Variants in AP2B1 observed in about 807,000 individuals in gnomAD.
The protein encoded by AP2B1 is adaptor related protein complex 2 subunit beta 1, also known as AP-2 complex subunit beta.
A neutral mutation model predicts 102.0 loss-of-function variants in AP2B1; 23 were observed. The observed-to-expected ratio is 0.23, with a 90% confidence interval of 0.16 to 0.32. The LOEUF (loss-of-function observed/expected upper bound fraction) is 0.32, where lower values mean the gene tolerates loss of function less well. Ranked by LOEUF, AP2B1 falls within the 10% of genes least tolerant of loss-of-function variation. The pLI, the probability that AP2B1 is intolerant of heterozygous loss-of-function variation, is 1.00. For missense variants in AP2B1, 541 were observed against 1,157.4 expected, an observed-to-expected ratio of 0.47 and a Z score of 7.73; for synonymous variants, 381 against 421.2, an observed-to-expected ratio of 0.90 and a Z score of 1.17.
intron 18 of AP2B1, among the ~76,000 whole-genome samples, chr17:35,684,581 G>A (rs140896129): frequency 1.3e-5 from 2 of 152,252 alleles, no homozygotes; most frequent in South Asian, 4.2e-4. Context: ...GAGGGTAGAC[G>A]AGTGAGTCAC....
Position 35,624,353 on chromosome 17 carries a change from G to T in AP2B1, c.526-44G>T, listed in dbSNP as rs369289788. ...GCTGATGAAGTGTTTGTCTATAGCT[G>T]TGCTGTTCTTGGTGAATCAAGGTCA... On this transcript the variant is annotated intron_variant, in intron 5 of 21. Coordinates refer to ENST00000610402, the MANE Select transcript of AP2B1 (RefSeq NM_001030006.2). The T allele has an allele frequency of 7.9e-5, 124 of 1,576,168 alleles. No homozygotes were observed. In the African/African-American group the frequency reaches 1.6e-3, roughly 20 times the overall value.
At chr17:35,607,775 T>G in intron 4 of AP2B1, 1 of 10,640 alleles carries the variant, frequency 9.4e-5, no homozygotes, top group African/African-American at 4.0e-4. Context: ...ACAGCTCCTC[T>G]TTTTTTTTTT....
At chr17:35,616,177 T>C (rs1193227507) in intron 5 of AP2B1, among the ~76,000 whole-genome samples, 1 of 56,730 alleles carries the variant, frequency 1.8e-5, no homozygotes, top group Admixed American at 2.6e-4. Flanking sequence ...TTTTTTTTTT[T>C]TTTTGGAGAC....
intron 9 of AP2B1, among the ~76,000 whole-genome samples, chr17:35,633,285 G>A (rs1382617349): frequency 6.6e-6 from 1 of 151,800 alleles, no homozygotes; most frequent in African/African-American, 2.4e-5. Context: ...ACTTGAACCA[G>A]GGAGTGGGAG....
chr17:35,639,383 GT>G (rs2074703945), intron 10 of AP2B1, among the ~76,000 whole-genome samples: 1 of 152,094 alleles, frequency 6.6e-6, no homozygotes, highest in African/African-American at 2.4e-5. Context: ...TTTTATAAAG[GT>G]TTTAAGGTCT....
Position 35,725,020 on chromosome 17 carries a change from C to G in AP2B1, c.*1321C>G, listed in dbSNP as rs1170536704. The G allele has an allele frequency of 6.6e-6, 1 of 152,168 alleles. No homozygotes were observed. The highest frequency in any genetic ancestry group is 2.4e-5 in the African/African-American group (1 of 41,448). The allele number at this position is 152,168 out of a possible 1,614,324, so 9.4% of individuals were successfully genotyped here. On this transcript the variant is annotated 3_prime_UTR_variant, in exon 22 of 22. Transcript: ENST00000610402. ...AGATGAAGTGAGCTTAGAGATGTTG[C>G]AAATGCTCTTTATCCCTTCAGCTCT...
intron 17 of AP2B1, among the ~76,000 whole-genome samples, chr17:35,680,775 C>T (rs1192473054): frequency 6.7e-6 from 1 of 149,736 alleles, no homozygotes; most frequent in African/African-American, 2.5e-5. Flanking sequence ...TGGCTCACTG[C>T]AACTTCCGCC....
chr17:35,697,161 G>A (rs2076156666), intron 18 of AP2B1, among the ~76,000 whole-genome samples: 1 of 152,216 alleles, frequency 6.6e-6, no homozygotes, highest in South Asian at 2.1e-4. Flanking sequence ...CTGGTCCCAA[G>A]TTTAATCTGA....
intron 2 of AP2B1, among the ~76,000 whole-genome samples, chr17:35,597,289 A>T (rs12939818): frequency 6.6e-6 from 1 of 152,104 alleles, no homozygotes. Context: ...TTTTTCATGG[A>T]CTTAGTGTTT....
intron 3 of AP2B1, among the ~76,000 whole-genome samples, chr17:35,604,046 A>G (rs1412320275): frequency 1.3e-5 from 2 of 152,126 alleles, no homozygotes; most frequent in African/African-American, 4.8e-5. Context: ...GCACCCACCC[A>G]ATGAGAGAAA....
intron 5 of AP2B1, among the ~76,000 whole-genome samples, chr17:35,614,351 ATTTAT>A (rs2073951901): frequency 6.6e-6 from 1 of 151,998 alleles, no homozygotes; most frequent in Non-Finnish European, 1.5e-5. Context: ...TGCCCAGCTA[ATTTAT>A]TTTATTTTAT....
chr17:35,665,251 C>T (rs1481944790), intron 14 of AP2B1, among the ~76,000 whole-genome samples: 2 of 151,162 alleles, frequency 1.3e-5, no homozygotes, highest in East Asian at 1.9e-4. Context: ...CCGCAGCCTC[C>T]GAACTAGCTG....
intron 18 of AP2B1, among the ~76,000 whole-genome samples, chr17:35,700,751 C>G (rs888119823): frequency 7.9e-5 from 12 of 152,232 alleles, no homozygotes; most frequent in African/African-American, 2.9e-4. Flanking sequence ...GCTTTCTATA[C>G]TATGGAAAGA....
chr17:35,671,966 C>T (rs1309221933), intron 16 of AP2B1, 66 bp downstream of exon 16: 2 of 1,549,314 alleles, frequency 1.3e-6, no homozygotes, highest in East Asian at 4.5e-5. Context: ...TCACTTTCAA[C>T]ATTTGTGTTA....
chr17:35,608,492 G>A (rs2073759268), intron 5 of AP2B1, 105 bp downstream of exon 5: 5 of 1,358,842 alleles, frequency 3.7e-6, no homozygotes, highest in East Asian at 2.3e-5. Flanking sequence ...TTATGGGGTA[G>A]CTATGGGAAA....
intron 18 of AP2B1, among the ~76,000 whole-genome samples, chr17:35,686,941 C>T (rs1294052855): frequency 6.6e-6 from 1 of 152,168 alleles, no homozygotes; most frequent in African/African-American, 2.4e-5. Flanking sequence ...CGCGCCACTG[C>T]ACTCCAGCCT....
intron 18 of AP2B1, among the ~76,000 whole-genome samples, chr17:35,690,920 A>T (rs587630344): frequency 6.6e-6 from 1 of 152,310 alleles, no homozygotes; most frequent in East Asian, 1.9e-4. Flanking sequence ...TTCCTGCGAT[A>T]CAACTTTATA....
intron 3 of AP2B1, among the ~76,000 whole-genome samples, 200 bp downstream of exon 3, chr17:35,598,535 GTGTGTT>G (rs1212278643): frequency 6.6e-6 from 1 of 152,202 alleles, no homozygotes; most frequent in Non-Finnish European, 1.5e-5. Flanking sequence ...TGGGGTGTGT[GTGTGTT>G]TGTGTTAGAA....
rs1330266380 is a variant in AP2B1, at chr17:35,656,868, G to GA, written c.1797-730dup. ...CCACTGCACTCCAGCCTGGGCGACA[G>GA]AGCGAGACTCCGTCTCAAAAAAAAA... is the stretch of plus-strand genomic sequence containing the variant. On this transcript the variant is annotated intron_variant, in intron 13 of 21. Coordinates refer to ENST00000610402, the MANE Select transcript of AP2B1 (RefSeq NM_001030006.2). Among the ~76,000 whole-genome samples the GA allele has an allele frequency of 1.1e-4, 15 of 137,154 alleles. No individual in the cohort carries two copies. The East Asian group carries it at 3.3e-3, about 30-fold the overall frequency. The allele number at this position is 137,154 out of a possible 152,430, so 90.0% of individuals were successfully genotyped here.
Sources: gnomAD v4.1 joint callset for allele counts (sites outside exome capture counted in the v4.1 genomes callset) on GRCh38, gnomAD v4.1.1 for gene constraint, MANE v1.5 for transcripts, NCBI Gene and HGNC (gene_info 2026-07-23, HGNC 2026-07-21) for gene names.